The following RBMXL3 variants were observed in gnomAD, a reference collection of about 807,000 sequenced individuals.
RBMXL3 encodes the protein RNA-binding motif protein, X-linked-like-3.
Under a neutral mutation model 0.8 loss-of-function variants are expected in RBMXL3, and 2 were observed. The observed-to-expected ratio is 2.54, with a 90% CI of 1.04 to 8.00. The LOEUF (loss-of-function observed/expected upper bound fraction) is 8.00. Ranked by LOEUF, RBMXL3 falls within the 30% of genes most tolerant of loss-of-function variation. The probability of loss-of-function intolerance (pLI) is 0.04; values close to 1 mark genes in which losing one functional copy is unlikely to be tolerated. For missense variants in RBMXL3, 1,127 were observed against 1,068.0 expected, an observed-to-expected ratio of 1.06 and a Z score of -0.77; for synonymous variants, 447 against 449.8, an observed-to-expected ratio of 0.99 and a Z score of 0.08.
Position 115,190,586 on chromosome X carries a change from G to A in RBMXL3, c.1145G>A (p.Arg382His), listed in dbSNP as rs782734644. ...AGTAACGGTTACAGCCGGAGTGACC[G>A]CTACGGAGAAGAAGGCTGCTACGAG... ...SSSNGYSRSD[R>H]YGEEGCYEEY... The change falls in exon 1 of 1, where the codon CGC becomes CAC. Residue 382 changes from arginine to histidine, a missense_variant. Physicochemically the swap from Arg to His is conservative, Grantham distance 29. Transcript: ENST00000424776. 44 of 357,728 alleles carry A rather than the reference G, an allele frequency of 1.2e-4. No homozygotes were observed. The South Asian group carries it at 1.7e-3, about 14-fold the overall frequency. 29.5% of individuals were successfully genotyped at this position (357,728 alleles called of 1,213,427 possible). A position where few individuals can be genotyped will look rare whatever the true frequency, so the allele number is the denominator to read the frequency against.
chrX:115,190,001 G>C lies in RBMXL3; in HGVS notation c.560G>C (p.Gly187Ala). The C allele has an allele frequency of 2.6e-6, 3 of 1,161,575 alleles. No individual in the cohort carries two copies. The highest frequency in any genetic ancestry group is 3.4e-6 in the Non-Finnish European group (3 of 870,913). ...GMRGKAPTVS[G>A]QDGYSGLQPR... ...CGCGGGAAGGCACCGACTGTGTCGG[G>C]GCAAGATGGCTACTCAGGCTTGCAG... Residue 187 changes from glycine to alanine, a missense_variant, in exon 1 of 1, where the codon GGG becomes GCG. Physicochemically the swap from Gly to Ala is moderately conservative, Grantham distance 60. Coordinates refer to ENST00000424776, the MANE Select transcript of RBMXL3 (RefSeq NM_001145346.2).
chrX:115,192,103 G>A lies in RBMXL3; in HGVS notation c.2662G>A (p.Glu888Lys), dbSNP rs782223284. ...PDAHSGDHYT[E>K]AYSRGRDSFS... Reference sequence around the variant, plus strand: ...TGCCCACAGCGGGGACCACTACACCGAAGCCTACAGCAGGGGCCGCGACAG... The same window carrying A: ...TGCCCACAGCGGGGACCACTACACCAAAGCCTACAGCAGGGGCCGCGACAG... The change falls in exon 1 of 1, where the codon GAA becomes AAA. Residue 888 changes from glutamate to lysine, a missense_variant. Glu to Lys is a moderately conservative substitution (Grantham distance 56, BLOSUM62 1). Coordinates refer to ENST00000424776, the MANE Select transcript of RBMXL3 (RefSeq NM_001145346.2). The A allele has an allele frequency of 6.9e-6, 8 of 1,165,711 alleles. No homozygotes were observed. The highest frequency in any genetic ancestry group is 3.6e-5 in the African/African-American group (2 of 55,591).
rs1358779076 is a variant in RBMXL3 at position 115,190,612 on chromosome X, G to A, written c.1171G>A (p.Glu391Lys). 1 of 211,218 alleles carries A rather than the reference G, an allele frequency of 4.7e-6. No homozygotes were observed. The highest frequency in any genetic ancestry group is 7.5e-6 in the Non-Finnish European group (1 of 132,574). The allele number at this position is 211,218 out of a possible 1,213,427, so 17.4% of individuals were successfully genotyped here. Residue 391 changes from glutamate to lysine, a missense_variant, in exon 1 of 1, where the codon GAG becomes AAG. Physicochemically the swap from Glu to Lys is moderately conservative, Grantham distance 56 (BLOSUM62 1). Transcript: ENST00000424776. Reference sequence around the variant, plus strand: ...CTACGGAGAAGAAGGCTGCTACGAGGAGTACAGAGGCCGCTCGCCCGACGC... The same window carrying A: ...CTACGGAGAAGAAGGCTGCTACGAGAAGTACAGAGGCCGCTCGCCCGACGC... ...DRYGEEGCYE[E>K]YRGRSPDAHS...
rs2072851019 is a variant in RBMXL3, at chrX:115,192,491, G to A, written c.3050G>A (p.Arg1017Gln). Reference sequence around the variant, plus strand: ...GACCGCTACTCGAGGGGTCGAGACCGGGTAGGCAGACCGGATCGTGGGCTC... The same window carrying A: ...GACCGCTACTCGAGGGGTCGAGACCAGGTAGGCAGACCGGATCGTGGGCTC... ...RSDRYSRGRD[R>Q]VGRPDRGLPL... Residue 1017 changes from arginine to glutamine, a missense_variant, in exon 1 of 1, where the codon CGG (arginine) becomes CAG (glutamine). Arg to Gln is a conservative substitution (Grantham distance 43). Transcript: ENST00000424776. 26 of 1,169,980 alleles carry A rather than the reference G, an allele frequency of 2.2e-5. No homozygotes were observed. Among genetic ancestry groups the A allele is most frequent in the Non-Finnish European group, 2.7e-5 (24 of 874,876 alleles).
At position 115,190,251 on chromosome X, in the gene RBMXL3, G is replaced by A. The variant is rs188427252; in HGVS notation, c.810G>A (p.Pro270=). 12,134 of 1,158,014 alleles carry A rather than the reference G, an allele frequency of 0.01. 46 individuals carry two copies. Among genetic ancestry groups the A allele is most frequent in the Non-Finnish European group, 0.013 (11,312 of 867,197 alleles). ...GCTATTATGGCCACTCCAGTGTCCCGGACTACCGTCCCTTGAGAGGCGACG... is the reference window on the plus strand; with the variant it reads ...GCTATTATGGCCACTCCAGTGTCCCAGACTACCGTCCCTTGAGAGGCGACG... ...SRRYYGHSSV[P]DYRPLRGDGN... is the part of the protein sequence containing the mutation. Residue 270 remains proline (P), a synonymous_variant, in exon 1 of 1, where the codon CCG becomes CCA. Coordinates refer to ENST00000424776, the MANE Select transcript of RBMXL3 (RefSeq NM_001145346.2).
In RBMXL3 at chrX:115,191,532, C is replaced by A. The variant is rs781846054; in HGVS notation, c.2091C>A (p.Ser697Arg). ...ACAGTGGGGGCCACGACAGTTCCAG[C>A]CAGAGCAACCGCTATGGAGGAGGCG... is the stretch of plus-strand genomic sequence containing the variant. ...DAYSGGHDSS[S>R]QSNRYGGGGR... The change falls in exon 1 of 1, where the codon AGC (serine) becomes AGA (arginine). Residue 697 changes from serine (S) to arginine (R), a missense_variant. Ser to Arg is a moderately radical substitution (Grantham distance 110). Transcript: ENST00000424776. 3.6e-6 allele frequency: 4 copies of A among 1,121,084 alleles called. No homozygotes were observed. Among genetic ancestry groups the A allele is most frequent in the Middle Eastern group, 2.5e-4 (1 of 4,073 alleles). The allele number at this position is 1,121,084 out of a possible 1,213,427, so 92.4% of individuals were successfully genotyped here. A position where few individuals can be genotyped will look rare whatever the true frequency, so the allele number is the denominator to read the frequency against.
Position 115,191,084 on chromosome X carries a change from G to A in RBMXL3, c.1643G>A (p.Gly548Glu), listed in dbSNP as rs2072805944. Residue 548 changes from glycine to glutamate, a missense_variant, in exon 1 of 1, where the codon GGA (glycine) becomes GAA (glutamate). By Grantham distance (98) the Gly-to-Glu change is moderately conservative. Transcript: ENST00000424776. The part of the protein sequence containing the change: ...SNSYGQSHRY[G>E]GEGRYEYRGR... ...AGTTACGGCCAGAGCCACCGCTATG[G>A]AGGAGAAGGCCGCTATGAGTACCGA... 1 of 1,166,712 alleles carries A rather than the reference G, an allele frequency of 8.6e-7. No individual in the cohort carries two copies. Among genetic ancestry groups the A allele is most frequent in the Non-Finnish European group, 1.1e-6 (1 of 872,859 alleles).
At position 115,191,273 on chromosome X, in the gene RBMXL3, A is replaced by G. The variant is rs1334880893; in HGVS notation, c.1832A>G (p.Tyr611Cys). 1 of 1,153,053 alleles carries G rather than the reference A, an allele frequency of 8.7e-7. No homozygotes were observed. Among genetic ancestry groups the G allele is most frequent in the African/African-American group, 1.9e-5 (1 of 53,589 alleles). Residue 611 changes from tyrosine (Y) to cysteine (C), a missense_variant, in exon 1 of 1, where the codon TAC becomes TGC. By Grantham distance (194) the Tyr-to-Cys change is radical (BLOSUM62 -2). Coordinates refer to ENST00000424776, the MANE Select transcript of RBMXL3 (RefSeq NM_001145346.2). ...AGTGGAGGCCGCTCGCCCAATGCCT[A>G]CAGCGGGGGCCACGACAGTTCCAGC... The part of the protein sequence containing the change: ...ANSGGRSPNA[Y>C]SGGHDSSSWS...
rs868986508 is a variant in RBMXL3, at chrX:115,190,735, G to A, written c.1294G>A (p.Glu432Lys). The A allele has an allele frequency of 1.0e-4, 115 of 1,132,980 alleles. No homozygotes were observed. The highest frequency in any genetic ancestry group is 1.3e-4 in the Non-Finnish European group (113 of 856,239). 93.4% of individuals were successfully genotyped at this position (1,132,980 alleles called of 1,213,427 possible). ...TGAGGAGTACCGAGGCCGCTCACACGAGGCCCGCAGCGGGGGCCGCTCCAC... is the reference window on the plus strand; with the variant it reads ...TGAGGAGTACCGAGGCCGCTCACACAAGGCCCGCAGCGGGGGCCGCTCCAC... ...RYEEYRGRSH[E>K]ARSGGRSTDA... is the part of the protein sequence containing the mutation. Residue 432 changes from glutamate (E) to lysine (K), a missense_variant, in exon 1 of 1, where the codon GAG (glutamate) becomes AAG (lysine). Physicochemically the swap from Glu to Lys is moderately conservative, Grantham distance 56 (BLOSUM62 1). Transcript: ENST00000424776.
At position 115,192,223 on chromosome X, in the gene RBMXL3, C is replaced by G; in HGVS notation, c.2782C>G (p.Arg928Gly). ...CTCGCCCAATGCCTACGGCGGGGGC[C>G]GCGGCCTCAACAGTTCCAACAACAG... ...GRSPNAYGGG[R>G]GLNSSNNSHG... The change falls in exon 1 of 1, where the codon CGC becomes GGC. Residue 928 changes from arginine to glycine, a missense_variant. Physicochemically the swap from Arg to Gly is moderately radical, Grantham distance 125. Coordinates refer to ENST00000424776, the MANE Select transcript of RBMXL3 (RefSeq NM_001145346.2). 1 of 1,158,411 alleles carries G rather than the reference C, an allele frequency of 8.6e-7. No individual in the cohort carries two copies. Among genetic ancestry groups the G allele is most frequent in the Non-Finnish European group, 1.1e-6 (1 of 870,277 alleles).
Position 115,191,624 on chromosome X carries a change from A to G in RBMXL3, c.2183A>G (p.Tyr728Cys). Residue 728 changes from tyrosine to cysteine, a missense_variant, in exon 1 of 1, where the codon TAC (tyrosine) becomes TGC (cysteine). Transcript: ENST00000424776. ...AGCGGAGGCCGCTCGCCTGACACCT[A>G]CAGCCGGGGCCACGACAGTTCCAGC... is the stretch of plus-strand genomic sequence containing the variant. ...ANSGGRSPDT[Y>C]SRGHDSSSQS... 1.8e-6 allele frequency: 2 copies of G among 1,087,582 alleles called. No homozygotes were observed. The highest frequency in any genetic ancestry group is 2.4e-6 in the Non-Finnish European group (2 of 819,652). 89.6% of individuals were successfully genotyped at this position (1,087,582 alleles called of 1,213,427 possible).
In RBMXL3 at chrX:115,189,840, C is replaced by A. The variant is rs782465138; in HGVS notation, c.399C>A (p.Tyr133Ter). 1 of 1,167,150 alleles carries A rather than the reference C, an allele frequency of 8.6e-7. No individual in the cohort carries two copies. The highest frequency in any genetic ancestry group is 1.1e-6 in the Non-Finnish European group (1 of 873,006). Residue 133 changes from tyrosine to a stop codon, truncating the protein, a stop_gained, in exon 1 of 1, where the codon TAC (tyrosine) becomes TAA (stop). Transcript: ENST00000424776. LOFTEE classifies it low-confidence loss of function (END_TRUNC). ...GCAGGCCTGATGACGGCCGCGGCTA[C>A]GCGGGGTATTTCGACCTGTGGCCCT... ...SQGRPDDGRG[Y>*]AGYFDLWPYR...
chrX:115,190,746 C>T lies in RBMXL3; in HGVS notation c.1305C>T (p.Ser435=), dbSNP rs782203878. 48 of 1,161,068 alleles carry T rather than the reference C, an allele frequency of 4.1e-5. No individual in the cohort carries two copies. The highest frequency in any genetic ancestry group is 1.0e-4 in the Admixed American group (4 of 38,103). The change falls in exon 1 of 1, where the codon AGC becomes AGT. Residue 435 remains serine, a synonymous_variant. Coordinates refer to ENST00000424776, the MANE Select transcript of RBMXL3 (RefSeq NM_001145346.2). ...EYRGRSHEAR[S]GGRSTDAHSR... ...GAGGCCGCTCACACGAGGCCCGCAG[C>T]GGGGGCCGCTCCACTGATGCCCACA... is the stretch of plus-strand genomic sequence containing the variant.
Position 115,192,162 on chromosome X carries a change from C to T in RBMXL3, c.2721C>T (p.Tyr907=), listed in dbSNP as rs1334881618. The T allele has an allele frequency of 7.7e-6, 9 of 1,165,855 alleles. No homozygotes were observed. The highest frequency in any genetic ancestry group is 3.6e-5 in the African/African-American group (2 of 55,712). The change falls in exon 1 of 1, where the codon TAC becomes TAT. Residue 907 remains tyrosine (Y), a synonymous_variant. Coordinates refer to ENST00000424776, the MANE Select transcript of RBMXL3 (RefSeq NM_001145346.2). The part of the protein sequence containing the change: ...FSNSYGRSDH[Y]GRGGCYEEYQ... ...ACAGCTATGGCCGGAGTGACCATTA[C>T]GGAAGAGGAGGCTGCTACGAGGAAT...
Position 115,190,056 on chromosome X carries a change from G to C in RBMXL3, c.615G>C (p.Lys205Asn), listed in dbSNP as rs781873277. The C allele has an allele frequency of 6.8e-5, 79 of 1,155,380 alleles. No individual in the cohort carries two copies. In the African/African-American group the frequency reaches 1.4e-3, roughly 20 times the overall value. Reference protein sequence around the residue: ...QPRRWAGPPHKRAVPRSSLAR... With the variant: ...QPRRWAGPPHNRAVPRSSLAR... ...GGCGCTGGGCCGGCCCACCCCACAA[G>C]AGGGCTGTGCCCCGGTCAAGCCTGG... Residue 205 changes from lysine to asparagine, a missense_variant, in exon 1 of 1, where the codon AAG (lysine) becomes AAC (asparagine). Lys to Asn is a moderately conservative substitution (Grantham distance 94, BLOSUM62 0). Coordinates refer to ENST00000424776, the MANE Select transcript of RBMXL3 (RefSeq NM_001145346.2).
Position 115,190,051 on chromosome X carries a change from C to G in RBMXL3, c.610C>G (p.His204Asp), listed in dbSNP as rs1556556764. ...LQPRRWAGPP[H>D]KRAVPRSSLA... ...GCCACGGCGCTGGGCCGGCCCACCC[C>G]ACAAGAGGGCTGTGCCCCGGTCAAG... The change falls in exon 1 of 1, where the codon CAC becomes GAC. Residue 204 changes from histidine to aspartate, a missense_variant. His to Asp is a moderately conservative substitution (Grantham distance 81). Transcript: ENST00000424776. The G allele has an allele frequency of 8.6e-7, 1 of 1,156,340 alleles. No homozygotes were observed. The highest frequency in any genetic ancestry group is 1.8e-5 in the African/African-American group (1 of 56,407).
chrX:115,190,065 G>T lies in RBMXL3; in HGVS notation c.624G>T (p.Val208=). The change falls in exon 1 of 1, where the codon GTG becomes GTT. Residue 208 remains valine, a synonymous_variant. Transcript: ENST00000424776. ...RWAGPPHKRA[V]PRSSLARIGG... is the part of the protein sequence containing the mutation. ...CCGGCCCACCCCACAAGAGGGCTGT[G>T]CCCCGGTCAAGCCTGGCTCGCATTG... The T allele has an allele frequency of 8.7e-7, 1 of 1,155,099 alleles. No individual in the cohort carries two copies. Among genetic ancestry groups the T allele is most frequent in the South Asian group, 1.9e-5 (1 of 51,405 alleles).
In RBMXL3 at chrX:115,192,648, A is replaced by G; in HGVS notation, c.*3A>G. ...GGGAAGGCCGGAGCAGATACTAAGCAGGAACAGACTTGGGCCCAAAAATTC... is the reference window on the plus strand; with the variant it reads ...GGGAAGGCCGGAGCAGATACTAAGCGGGAACAGACTTGGGCCCAAAAATTC... On this transcript the variant is annotated 3_prime_UTR_variant, in exon 1 of 1. Coordinates refer to ENST00000424776, the MANE Select transcript of RBMXL3 (RefSeq NM_001145346.2). 1 of 1,167,723 alleles carries G rather than the reference A, an allele frequency of 8.6e-7. No individual in the cohort carries two copies. The highest frequency in any genetic ancestry group is 1.9e-5 in the South Asian group (1 of 52,773).
Position 115,191,173 on chromosome X carries a change from A to C in RBMXL3, c.1732A>C (p.Ser578Arg). 1 of 1,165,110 alleles carries C rather than the reference A, an allele frequency of 8.6e-7. No homozygotes were observed. The highest frequency in any genetic ancestry group is 1.1e-6 in the Non-Finnish European group (1 of 872,007). ...CGACGCCTACAGTGGGGGCCACGAC[A>C]GTTCCAGCCAGAGCAACCGCTACGG... ...SADAYSGGHD[S>R]SSQSNRYGGG... The change falls in exon 1 of 1, where the codon AGT becomes CGT. Residue 578 changes from serine to arginine, a missense_variant. Ser to Arg is a moderately radical substitution (Grantham distance 110). Transcript: ENST00000424776.
Sources: gnomAD v4.1 joint callset for allele counts on GRCh38, gnomAD v4.1.1 for gene constraint, MANE v1.5 for transcripts, NCBI Gene and HGNC (gene_info 2026-07-23, HGNC 2026-07-21) for gene names.